The following FLNC variants were observed in gnomAD, a reference collection of about 807,000 sequenced individuals.
The protein encoded by FLNC is filamin C.
In FLNC, 91 loss-of-function variants were observed where a neutral mutation model predicts 254.3. That is an observed-to-expected ratio of 0.36 (90% CI 0.30 to 0.43). The LOEUF (loss-of-function observed/expected upper bound fraction) is 0.43. Ranked by LOEUF, FLNC falls within the 20% of genes least tolerant of loss-of-function variation. FLNC has a pLI of 1.00. For synonymous variants in FLNC, 1,430 were observed against 1,577.2 expected (o/e 0.91, Z 2.21); for missense variants, 2,853 against 3,802.6 (o/e 0.75, Z 6.57).
chr7:128,852,585 C>A lies in FLNC; in HGVS notation c.5843-6C>A. 6.2e-7 allele frequency: 1 copy of A among 1,613,266 alleles called. No individual in the cohort carries two copies. Among genetic ancestry groups the A allele is most frequent in the Non-Finnish European group, 8.5e-7 (1 of 1,180,018 alleles). On this transcript the variant is annotated splice_region_variant and splice_polypyrimidine_tract_variant and intron_variant, in intron 35 of 47. Coordinates refer to ENST00000325888, the MANE Select transcript of FLNC (RefSeq NM_001458.5). ...TAGCAGCCTGATGCCCCAACTCCCCCACCAGGTGATGACTCCATGAGGACC... is the reference window on the plus strand; with the variant it reads ...TAGCAGCCTGATGCCCCAACTCCCCAACCAGGTGATGACTCCATGAGGACC...
intron 9 of FLNC, 144 bp from the exon 10 acceptor site, chr7:128,840,403 TC>T: frequency 1.8e-6 from 2 of 1,114,106 alleles, no homozygotes; most frequent in South Asian, 2.8e-5. Context: ...TGACAAGTGT[TC>T]CCTGCCCTGA....
chr7:128,837,331 G>A, intron 3 of FLNC, 67 bp from the exon 4 acceptor site: 2 of 1,612,032 alleles, frequency 1.2e-6, no homozygotes, highest in Admixed American at 1.7e-5. Context: ...CCTGGCCAGG[G>A]TGCAGGGGGA....
chr7:128,858,411 A>G lies in FLNC; in HGVS notation c.8066A>G (p.Asn2689Ser). 1 of 1,606,314 alleles carries G rather than the reference A, an allele frequency of 6.2e-7. No individual in the cohort carries two copies. The highest frequency in any genetic ancestry group is 1.1e-5 in the South Asian group (1 of 90,768). ...GAGGTGTACGTGAAGCACATGGGGAACCGGGTGTACAATGTCACCTACACT... is the reference window on the plus strand; with the variant it reads ...GAGGTGTACGTGAAGCACATGGGGAGCCGGGTGTACAATGTCACCTACACT... ...CEEVYVKHMGNRVYNVTYTVK... is the reference protein window; with the variant it reads ...CEEVYVKHMGSRVYNVTYTVK... The change falls in exon 48 of 48, where the codon AAC (asparagine) becomes AGC (serine). Residue 2689 changes from asparagine (N) to serine (S), a missense_variant. Asn to Ser is a conservative substitution (Grantham distance 46, BLOSUM62 1). Coordinates refer to ENST00000325888, the MANE Select transcript of FLNC (RefSeq NM_001458.5). The surrounding 1 kb of genome is among the most constrained non-coding windows in gnomAD (Gnocchi z 6.7).
In FLNC at chr7:128,858,115, A is replaced by C. The variant is rs1214755746; in HGVS notation, c.7888A>C (p.Lys2630Gln). 1 of 1,613,516 alleles carries C rather than the reference A, an allele frequency of 6.2e-7. No individual in the cohort carries two copies. ...SRGSSYSSIP[K>Q]FSSDASKVVT... ...GGGCTCCAGCTACAGCTCCATCCCC[A>C]AGTTCTCCTCAGATGCCAGCAAGGT... Residue 2630 changes from lysine (K) to glutamine (Q), a missense_variant, in exon 47 of 48, where the codon AAG (lysine) becomes CAG (glutamine). Transcript: ENST00000325888. The surrounding 1 kb of genome is among the most constrained non-coding windows in gnomAD (Gnocchi z 6.7).
Position 128,838,424 on chromosome 7 carries a change from C to T in FLNC, c.1205C>T (p.Thr402Ile), listed in dbSNP as rs374757755. 43 of 1,611,248 alleles carry T rather than the reference C, an allele frequency of 2.7e-5. No individual in the cohort carries two copies. The African/African-American group carries it at 3.3e-4, about 13-fold the overall frequency. ...AAACCCACCTACTTTGACATCTACA[C>T]TGCGGGTAGGACGGGCCCCAGGGGG... ...ANKPTYFDIY[T>I]AGAGTGDVAV... The change falls in exon 7 of 48, where the codon ACT (threonine) becomes ATT (isoleucine). Residue 402 changes from threonine to isoleucine, a missense_variant. Thr to Ile is a moderately conservative substitution (Grantham distance 89, BLOSUM62 -1). This residue lies in a region of FLNC where 1,573 missense variants were observed against 1,883.5 expected (regional missense o/e 0.84). Coordinates refer to ENST00000325888, the MANE Select transcript of FLNC (RefSeq NM_001458.5).
In FLNC at chr7:128,852,832, C is replaced by T; in HGVS notation, c.6009C>T (p.Ile2003=). Residue 2003 remains isoleucine (I), a synonymous_variant, in exon 37 of 48, where the codon ATC becomes ATT. Transcript: ENST00000325888. ...CCTAACACCCACTTTCCACAGGGAT[C>T]TCCTTCACCCCCAAGGAGGTCGGGG... is the stretch of plus-strand genomic sequence containing the variant. The part of the protein sequence containing the change: ...LKRLPNRHIG[I]SFTPKEVGEH... 4 of 1,613,884 alleles carry T rather than the reference C, an allele frequency of 2.5e-6. No homozygotes were observed. Among genetic ancestry groups the T allele is most frequent in the Non-Finnish European group, 1.7e-6 (2 of 1,180,040 alleles).
At chr7:128,832,084 G>A (rs3807309) in intron 1 of FLNC, among the ~76,000 whole-genome samples, 23,026 of 152,194 alleles carry the variant, frequency 0.15, 2,095 homozygotes, top group African/African-American at 0.26. Context: ...TTCTCCAGAT[G>A]ACTTGATGTC....
chr7:128,840,457 G>T (rs374482438), intron 9 of FLNC, 91 bp from the exon 10 acceptor site: 1 of 1,580,620 alleles, frequency 6.3e-7, no homozygotes, highest in South Asian at 1.1e-5. Flanking sequence ...GGGCTGGGTC[G>T]GGGTCCCAAT....
At position 128,838,776 on chromosome 7, in the gene FLNC, A is replaced by G; in HGVS notation, c.1384A>G (p.Ser462Gly). Reference sequence around the variant, plus strand: ...CTTTGCGGGTGCCCCCATCACCCGCAGTCCCTTCCCTGTCCATGTGTCGGA... The same window carrying G: ...CTTTGCGGGTGCCCCCATCACCCGCGGTCCCTTCCCTGTCCATGTGTCGGA... Reference protein sequence around the residue: ...VAFAGAPITRSPFPVHVSEAC... With the variant: ...VAFAGAPITRGPFPVHVSEAC... Residue 462 changes from serine (S) to glycine (G), a missense_variant, in exon 8 of 48, where the codon AGT becomes GGT. By Grantham distance (56) the Ser-to-Gly change is moderately conservative. Around this residue, in one of 10 missense-constraint regions of FLNC, gnomAD observed 1,573 missense variants for 1,883.5 expected, o/e 0.84. Transcript: ENST00000325888. 1.2e-6 allele frequency: 2 copies of G among 1,612,968 alleles called. No homozygotes were observed. The highest frequency in any genetic ancestry group is 2.2e-5 in the South Asian group (2 of 91,086).
chr7:128,849,687 A>C, intron 30 of FLNC, 109 bp downstream of exon 30: 1 of 1,430,004 alleles, frequency 7.0e-7, no homozygotes, highest in Non-Finnish European at 9.6e-7. Context: ...CACTTCTCTG[A>C]GGGCTCCTGG....
chr7:128,837,345 TG>T, intron 3 of FLNC, 52 bp from the exon 4 acceptor site: 2 of 1,613,160 alleles, frequency 1.2e-6, no homozygotes, highest in Non-Finnish European at 1.7e-6. Flanking sequence ...AGGGGGAGAC[TG>T]GGGCTGCTGG....
rs1290754545 is a variant in FLNC at position 128,846,174 on chromosome 7, G to C, written c.3964+11G>C. The C allele has an allele frequency of 1.3e-6, 2 of 1,567,284 alleles. No individual in the cohort carries two copies. Among genetic ancestry groups the C allele is most frequent in the Non-Finnish European group, 1.7e-6 (2 of 1,157,514 alleles). On this transcript the variant is annotated intron_variant, in intron 22 of 47. Coordinates refer to ENST00000325888, the MANE Select transcript of FLNC (RefSeq NM_001458.5). ...CCGCCTACGAGGAGGGTGAGGGCCG[G>C]TGGGCCAGGCTAGTGGGCAGGGCTG...
At position 128,839,557 on chromosome 7, in the gene FLNC, C is replaced by T. The variant is rs117722947; in HGVS notation, c.1412-466C>T. ...GGCCTGGGCTCATTGCCACTGGCCACGGTCTGTGGTAGGCTGATGTCCACA... is the reference window on the plus strand; with the variant it reads ...GGCCTGGGCTCATTGCCACTGGCCATGGTCTGTGGTAGGCTGATGTCCACA... On this transcript the variant is annotated intron_variant, in intron 8 of 47. Transcript: ENST00000325888. Among the ~76,000 whole-genome samples, 13 of 152,328 alleles carry T rather than the reference C, an allele frequency of 8.5e-5. No individual in the cohort carries two copies. In the East Asian group the frequency reaches 2.3e-3, roughly 27 times the overall value.
chr7:128,856,467 G>A lies in FLNC; in HGVS notation c.7252-51G>A, dbSNP rs748762905. On this transcript the variant is annotated intron_variant, in intron 43 of 47. Coordinates refer to ENST00000325888, the MANE Select transcript of FLNC (RefSeq NM_001458.5). This position sits in a 1 kb window ranked among gnomAD's most constrained non-coding sequence, Gnocchi z 5.9. ...ACCGTGTGGGGCTTCAGAGAAGACT[G>A]CTCCAGCCCCGGCCTCCCAGGAGTC... 7 of 1,603,074 alleles carry A rather than the reference G, an allele frequency of 4.4e-6. No individual in the cohort carries two copies. The East Asian group carries it at 1.3e-4, about 31-fold the overall frequency.
At position 128,839,863 on chromosome 7, in the gene FLNC, C is replaced by T. The variant is rs573497644; in HGVS notation, c.1412-160C>T. 2.0e-5 allele frequency among the ~76,000 whole-genome samples: 3 copies of T among 152,338 alleles called. No homozygotes were observed. In the South Asian group the frequency reaches 6.2e-4, roughly 32 times the overall value. On this transcript the variant is annotated intron_variant, in intron 8 of 47. Coordinates refer to ENST00000325888, the MANE Select transcript of FLNC (RefSeq NM_001458.5). ...CTGGGGCCTGTAGCCAGCTCCAGCC[C>T]GGCAGCCCCGGTTGTGCTGGGGACA...
intron 33 of FLNC, 97 bp downstream of exon 33, chr7:128,851,040 C>T: frequency 1.9e-6 from 3 of 1,545,586 alleles, no homozygotes; most frequent in South Asian, 1.1e-5. Flanking sequence ...TTATTGAGCA[C>T]CCGCTGTGTG....
In FLNC at chr7:128,838,823, C is replaced by T; in HGVS notation, c.1411+20C>T. 1 of 1,605,720 alleles carries T rather than the reference C, an allele frequency of 6.2e-7. No homozygotes were observed. The highest frequency in any genetic ancestry group is 8.5e-7 in the Non-Finnish European group (1 of 1,174,100). Reference sequence around the variant, plus strand: ...CGGAAGGTAAGGGCCCTTCACTGCTCCCCACGGTAGCCCTTACCAAAGCCA... The same window carrying T: ...CGGAAGGTAAGGGCCCTTCACTGCTTCCCACGGTAGCCCTTACCAAAGCCA... On this transcript the variant is annotated intron_variant, in intron 8 of 47. Transcript: ENST00000325888.
rs1808758957 is a variant in FLNC, at chr7:128,850,440, C to T, written c.5355C>T (p.Phe1785=). The T allele has an allele frequency of 4.3e-6, 7 of 1,613,926 alleles. No homozygotes were observed. Among genetic ancestry groups the T allele is most frequent in the Admixed American group, 1.7e-5 (1 of 60,008 alleles). Residue 1785 remains phenylalanine (F), a synonymous_variant, in exon 32 of 48, where the codon TTC becomes TTT. Transcript: ENST00000325888. The part of the protein sequence containing the change: ...VEPMESMLRP[F]NLVIPFAVQK... ...CAATGGAGTCCATGCTGAGGCCCTT[C>T]AACCTGGTCATCCCCTTCGCGGTGC...
At position 128,857,572 on chromosome 7, in the gene FLNC, G is replaced by A. The variant is rs1336937537; in HGVS notation, c.7780+236G>A. 6.6e-6 allele frequency among the ~76,000 whole-genome samples: 1 copy of A among 151,284 alleles called. No homozygotes were observed. Among genetic ancestry groups the A allele is most frequent in the Non-Finnish European group, 1.5e-5 (1 of 68,004 alleles). On this transcript the variant is annotated intron_variant, in intron 46 of 47. Transcript: ENST00000325888. This position sits in a 1 kb window ranked among gnomAD's most constrained non-coding sequence, Gnocchi z 4.5. ...CCTCACTCCTTCAGCTCTGGCCTGC[G>A]CTGGCTCCTCAGGCTCTAGCACCAC...
Sources: allele counts gnomAD v4.1 joint callset (sites outside exome capture counted in the v4.1 genomes callset), GRCh38; gene constraint gnomAD v4.1.1; regional missense constraint gnomAD v4.1.1; non-coding constraint Gnocchi (gnomAD v3.1); transcripts MANE v1.5; gene names NCBI Gene and HGNC (gene_info 2026-07-23, HGNC 2026-07-21).